DOCK5: variants seen among roughly 807,000 people sequenced by gnomAD.
DOCK5 encodes dedicator of cytokinesis protein 5.
DOCK5 carries 142 observed loss-of-function variants against 251.8 expected under a neutral mutation model. That is an observed-to-expected ratio of 0.56 (90% confidence interval 0.49 to 0.65). The LOEUF (loss-of-function observed/expected upper bound fraction) is 0.65, where lower values mean the gene tolerates loss of function less well. Among genes scored for constraint, DOCK5 ranks in the 30% least tolerant of loss-of-function variants. DOCK5 has a pLI of 0.00. For synonymous variants in DOCK5, 842 were observed against 835.5 expected, an observed-to-expected ratio of 1.01 and a Z score of -0.13; for missense variants, 2,111 against 2,312.3, an observed-to-expected ratio of 0.91 and a Z score of 1.79.
At chr8:25,287,761 G>C (rs1030921602) in intron 5 of DOCK5, among the ~76,000 whole-genome samples, 12 of 152,212 alleles carry the variant, frequency 7.9e-5, no homozygotes, top group Non-Finnish European at 1.3e-4. Flanking sequence ...GAGTGATGAC[G>C]AGAGATAACC....
chr8:25,236,477 C>G (rs182801984), intron 1 of DOCK5, among the ~76,000 whole-genome samples: 4 of 152,078 alleles, frequency 2.6e-5, no homozygotes, highest in African/African-American at 7.2e-5. Flanking sequence ...GCAGGAAAGC[C>G]AAGATGAAGA....
intron 2 of DOCK5, among the ~76,000 whole-genome samples, chr8:25,262,583 A>G (rs1277123659): frequency 6.6e-6 from 1 of 152,080 alleles, no homozygotes; most frequent in East Asian, 1.9e-4. Context: ...AAACATCAAG[A>G]CCATTTCTAC....
At chr8:25,296,405 A>G (rs997942774) in intron 6 of DOCK5, 108 bp from the exon 7 acceptor site, 7 of 1,411,636 alleles carry the variant, frequency 5.0e-6, no homozygotes, top group African/African-American at 1.4e-5. Flanking sequence ...GGGCTTGTCC[A>G]GCATCTCCCT....
intron 2 of DOCK5, among the ~76,000 whole-genome samples, chr8:25,264,831 C>CA (rs1391262374): frequency 3.0e-4 from 43 of 143,830 alleles, no homozygotes; most frequent in East Asian, 2.6e-3. Context: ...TCTCAAAAAA[C>CA]AAAAAACAAC....
intron 4 of DOCK5, 22 bp from the exon 5 acceptor site, chr8:25,278,547 A>G: frequency 6.2e-7 from 1 of 1,612,314 alleles, no homozygotes; most frequent in South Asian, 1.1e-5. Context: ...GAAGAAAGTG[A>G]CCCTCGTTTG....
intron 9 of DOCK5, 116 bp from the exon 10 acceptor site, chr8:25,302,209 C>A: frequency 5.6e-5 from 75 of 1,329,058 alleles, no homozygotes; most frequent in East Asian, 1.6e-4. Flanking sequence ...TCTAATACTT[C>A]AGCATTGAGA....
intron 10 of DOCK5, 110 bp from the exon 11 acceptor site, chr8:25,304,145 G>A (rs1301099896): frequency 1.1e-6 from 1 of 917,252 alleles, no homozygotes; most frequent in Non-Finnish European, 1.6e-6. Flanking sequence ...TCCCTGCTTA[G>A]TACCTTTCTT....
intron 5 of DOCK5, among the ~76,000 whole-genome samples, chr8:25,285,547 C>T (rs1804310008): frequency 6.6e-6 from 1 of 152,134 alleles, no homozygotes; most frequent in African/African-American, 2.4e-5. Flanking sequence ...GTCTATAGTT[C>T]TGGAAAAATC....
intron 28 of DOCK5, among the ~76,000 whole-genome samples, chr8:25,361,485 A>G (rs939549045): frequency 1.3e-5 from 2 of 152,036 alleles, no homozygotes; most frequent in Middle Eastern, 3.2e-3. Context: ...GTGATGGCAG[A>G]CACCCGTAAT....
intron 45 of DOCK5, 155 bp downstream of exon 45, chr8:25,395,874 C>A (rs772992188): frequency 3.1e-6 from 3 of 958,888 alleles, no homozygotes; most frequent in South Asian, 2.8e-5. Flanking sequence ...AAACGATTGT[C>A]CCTGACTTCT....
chr8:25,280,547 T>C (rs1394158552), intron 5 of DOCK5, among the ~76,000 whole-genome samples: 5 of 152,236 alleles, frequency 3.3e-5, no homozygotes, highest in African/African-American at 1.2e-4. Context: ...TTGGTCATCC[T>C]TCAAGACCTT....
At chr8:25,351,588 C>G in intron 26 of DOCK5, 143 bp from the exon 27 acceptor site, 1 of 613,356 alleles carries the variant, frequency 1.6e-6, no homozygotes, top group East Asian at 2.8e-5. Context: ...TTCTGTGAGA[C>G]CATTTTCCAC....
intron 25 of DOCK5, 142 bp from the exon 26 acceptor site, chr8:25,345,333 G>T (rs1437918810): frequency 1.9e-6 from 2 of 1,053,218 alleles, no homozygotes; most frequent in Non-Finnish European, 2.7e-6. Context: ...GTTCCTGGGT[G>T]GCCTGGAGGG....
chr8:25,209,342 AGTGCCAGGGAAGGAT>A lies in DOCK5; in HGVS notation c.43+24393_43+24407del, dbSNP rs1563308921. ...CAGTGGTCCAGGATGCCAGTCTGGCAGTGCCAGGGAAGGATGCTTCCTTTCAATAAGCGAACATTG... is the reference window on the plus strand; with the variant it reads ...CAGTGGTCCAGGATGCCAGTCTGGCAGCTTCCTTTCAATAAGCGAACATTG... On this transcript the variant is annotated intron_variant, in intron 1 of 51. Coordinates refer to ENST00000276440, the MANE Select transcript of DOCK5 (RefSeq NM_024940.8). Among the ~76,000 whole-genome samples the A allele has an allele frequency of 2.8e-5, 2 of 71,140 alleles. 1 individual carries two copies. Among genetic ancestry groups the A allele is most frequent in the African/African-American group, 6.4e-5 (2 of 31,410 alleles). 46.7% of individuals were successfully genotyped at this position (71,140 alleles called of 152,430 possible).
At chr8:25,275,201 G>C (rs1351295300) in intron 3 of DOCK5, among the ~76,000 whole-genome samples, 185 bp from the exon 4 acceptor site, 1 of 152,076 alleles carries the variant, frequency 6.6e-6, no homozygotes, top group Admixed American at 6.6e-5. Flanking sequence ...CTACCTTTTT[G>C]ATGTTTCCAC....
intron 1 of DOCK5, among the ~76,000 whole-genome samples, chr8:25,220,997 A>T (rs765933801): frequency 6.6e-6 from 1 of 151,912 alleles, no homozygotes; most frequent in Non-Finnish European, 1.5e-5. Flanking sequence ...GTGGGTAGGG[A>T]TGGTGGTTAT....
At chr8:25,325,601 G>A in intron 18 of DOCK5, 54 bp downstream of exon 18, 1 of 1,592,170 alleles carries the variant, frequency 6.3e-7, no homozygotes, top group South Asian at 1.1e-5. Flanking sequence ...GCCTTTCTGG[G>A]CTCCTTGGTT....
At chr8:25,369,976 G>A (rs1415419653) in intron 34 of DOCK5, among the ~76,000 whole-genome samples, 1 of 152,196 alleles carries the variant, frequency 6.6e-6, no homozygotes, top group Non-Finnish European at 1.5e-5. Context: ...TAACTGCAAA[G>A]TAACAATTTA....
Position 25,191,309 on chromosome 8 carries a change from G to C in DOCK5, c.43+6358G>C, listed in dbSNP as rs1801576997. ...TGGCCACCGATGGAATGCAGGGGCAGCTATAAAGACCCAGCTGCCTATAGT... is the reference window on the plus strand; with the variant it reads ...TGGCCACCGATGGAATGCAGGGGCACCTATAAAGACCCAGCTGCCTATAGT... On this transcript the variant is annotated intron_variant, in intron 1 of 51. Coordinates refer to ENST00000276440, the MANE Select transcript of DOCK5 (RefSeq NM_024940.8). 1.3e-5 allele frequency among the ~76,000 whole-genome samples: 2 copies of C among 152,190 alleles called. 1 individual carries two copies. The highest frequency in any genetic ancestry group is 1.3e-4 in the Admixed American group (2 of 15,282).
Sources: gnomAD v4.1 joint callset for allele counts (sites outside exome capture counted in the v4.1 genomes callset) on GRCh38, gnomAD v4.1.1 for gene constraint, MANE v1.5 for transcripts, NCBI Gene and HGNC (gene_info 2026-07-23, HGNC 2026-07-21) for gene names.